TMEM117: variants seen among roughly 807,000 people sequenced by gnomAD.
The protein encoded by TMEM117 is transmembrane protein 117.
A neutral mutation model predicts 52.4 loss-of-function variants in TMEM117; 27 were observed. The observed-to-expected ratio is 0.51, with a 90% confidence interval of 0.38 to 0.71. TMEM117 has a LOEUF of 0.71. Ranked by LOEUF, TMEM117 falls within the 30% of genes least tolerant of loss-of-function variation. The pLI, the probability that TMEM117 is intolerant of heterozygous loss-of-function variation, is 0.00. For synonymous variants in TMEM117, 215 were observed against 206.3 expected (o/e 1.04, Z -0.36); for missense variants, 556 against 630.5 (o/e 0.88, Z 1.26).
intron 2 of TMEM117, among the ~76,000 whole-genome samples, chr12:43,934,076 T>C (rs1944913800): frequency 6.6e-6 from 1 of 152,148 alleles, no homozygotes; most frequent in South Asian, 2.1e-4. Flanking sequence ...AAAAATGCTA[T>C]TTGATATAAT....
intron 4 of TMEM117, among the ~76,000 whole-genome samples, chr12:44,207,832 T>C (rs1358920383): frequency 6.6e-6 from 1 of 151,968 alleles, no homozygotes; most frequent in Admixed American, 6.6e-5. Context: ...AAGAAATATA[T>C]TTAGGGTTAG....
intron 2 of TMEM117, among the ~76,000 whole-genome samples, chr12:43,943,103 G>A (rs1259989513): frequency 1.7e-4 from 24 of 142,582 alleles, no homozygotes; most frequent in African/African-American, 5.9e-4. Flanking sequence ...ACTTGAACCC[G>A]AGAGGCGGAA....
intron 4 of TMEM117, among the ~76,000 whole-genome samples, chr12:44,167,105 A>T (rs562975617): frequency 2.6e-5 from 4 of 152,250 alleles, no homozygotes; most frequent in Non-Finnish European, 2.9e-5. Context: ...TGGCCCCTAG[A>T]ATATGTATTT....
chr12:44,331,025 A>G (rs1275182008), intron 6 of TMEM117, among the ~76,000 whole-genome samples: 1 of 152,010 alleles, frequency 6.6e-6, no homozygotes, highest in Non-Finnish European at 1.5e-5. Flanking sequence ...ACCCCAAATT[A>G]TTTGATTTCC....
At chr12:43,851,710 TC>T (rs1327710079) in intron 2 of TMEM117, among the ~76,000 whole-genome samples, 2 of 152,136 alleles carry the variant, frequency 1.3e-5, no homozygotes, top group Non-Finnish European at 2.9e-5. Context: ...AAAGGCAGAA[TC>T]AAATTTGTTT....
chr12:43,832,334 G>T (rs1410830577), upstream of TMEM117, among the ~76,000 whole-genome samples: 1 of 152,174 alleles, frequency 6.6e-6, no homozygotes, highest in Non-Finnish European at 1.5e-5. Context: ...AGACACTACA[G>T]GTGTTTTATA....
intron 3 of TMEM117, among the ~76,000 whole-genome samples, chr12:43,992,119 C>T (rs56124551): frequency 0.046 from 6,918 of 151,584 alleles, 232 homozygotes; most frequent in African/African-American, 0.091. Flanking sequence ...GGTAAGATCG[C>T]ACCACTGCAC....
intron 2 of TMEM117, among the ~76,000 whole-genome samples, chr12:43,883,640 C>T (rs1350965303): frequency 6.6e-6 from 1 of 152,084 alleles, no homozygotes; most frequent in Non-Finnish European, 1.5e-5. Context: ...ACCCTGGCAG[C>T]CCATTTCTAA....
At chr12:44,043,878 C>T (rs144580814) in intron 3 of TMEM117, among the ~76,000 whole-genome samples, 11 of 152,168 alleles carry the variant, frequency 7.2e-5, no homozygotes, top group African/African-American at 1.2e-4. Flanking sequence ...AGAGTTGGAT[C>T]GGGCTGAATT....
intron 3 of TMEM117, among the ~76,000 whole-genome samples, chr12:43,989,937 C>A (rs962646440): frequency 2.6e-5 from 4 of 152,172 alleles, no homozygotes; most frequent in African/African-American, 9.6e-5. Flanking sequence ...ACCTTCCATA[C>A]AATGCCTTTG....
chr12:43,929,410 A>T (rs903906743), intron 2 of TMEM117, among the ~76,000 whole-genome samples: 1 of 152,192 alleles, frequency 6.6e-6, no homozygotes, highest in Non-Finnish European at 1.5e-5. Context: ...GCCTACCTTT[A>T]ATTAATATTG....
chr12:44,077,982 G>A (rs574560183), intron 3 of TMEM117, among the ~76,000 whole-genome samples: 1 of 152,128 alleles, frequency 6.6e-6, no homozygotes, highest in African/African-American at 2.4e-5. Context: ...AAAAATACCA[G>A]TATTTTTTTT....
At chr12:43,922,235 G>A (rs777403248) in intron 2 of TMEM117, among the ~76,000 whole-genome samples, 3 of 152,004 alleles carry the variant, frequency 2.0e-5, no homozygotes, top group African/African-American at 4.8e-5. Context: ...GGCAATACGC[G>A]TGCAGTGGGT....
intron 3 of TMEM117, among the ~76,000 whole-genome samples, chr12:43,988,972 G>A (rs1945893298): frequency 6.6e-6 from 1 of 151,978 alleles, no homozygotes; most frequent in Non-Finnish European, 1.5e-5. Context: ...CAGTTGATAG[G>A]TAGTGACTAA....
chr12:44,107,808 A>T (rs1947986073), intron 3 of TMEM117, among the ~76,000 whole-genome samples: 1 of 152,150 alleles, frequency 6.6e-6, no homozygotes, highest in African/African-American at 2.4e-5. Context: ...TTGTGGACAG[A>T]TGGCAAAAAT....
At chr12:43,948,297 G>A (rs1242851900) in intron 3 of TMEM117, among the ~76,000 whole-genome samples, 1 of 151,748 alleles carries the variant, frequency 6.6e-6, no homozygotes, top group Non-Finnish European at 1.5e-5. Context: ...GCTGCTTATT[G>A]TAACCTCCTT....
chr12:43,849,350 G>T lies in TMEM117; in HGVS notation c.277+4422G>T, dbSNP rs187016988. Among the ~76,000 whole-genome samples the T allele has an allele frequency of 1.0e-3, 153 of 152,232 alleles. 1 individual carries two copies. The highest frequency in any genetic ancestry group is 3.5e-3 in the African/African-American group (145 of 41,542). ...AAATTTAGACCAAAATATCCAGTTT[G>T]GAGAAAAGTCATCTGTCTATATTGA... On this transcript the variant is annotated intron_variant, in intron 2 of 7. Transcript: ENST00000266534.
Position 43,889,147 on chromosome 12 carries a change from A to T in TMEM117, c.277+44219A>T, listed in dbSNP as rs143639474. On this transcript the variant is annotated intron_variant, in intron 2 of 7. Transcript: ENST00000266534. ...ACCCAAGCTGGAGTGCAATGGCATG[A>T]TCTTGGCTCACTGCAACCTCCGCCT... is the stretch of plus-strand genomic sequence containing the variant. Among the ~76,000 whole-genome samples, 698 of 150,002 alleles carry T rather than the reference A, an allele frequency of 4.7e-3. 6 individuals carry two copies. The highest frequency in any genetic ancestry group is 0.016 in the African/African-American group (646 of 40,490).
At chr12:44,167,449 A>T (rs191360297) in intron 4 of TMEM117, among the ~76,000 whole-genome samples, 1 of 152,200 alleles carries the variant, frequency 6.6e-6, no homozygotes, top group Non-Finnish European at 1.5e-5. Context: ...CGGGCAGATC[A>T]AGAGGCCAGG....
Sources: allele counts gnomAD v4.1 joint callset (sites outside exome capture counted in the v4.1 genomes callset), GRCh38; gene constraint gnomAD v4.1.1; transcripts MANE v1.5; gene names NCBI Gene and HGNC (gene_info 2026-07-23, HGNC 2026-07-21).